Variants in AGAP1 observed in about 807,000 individuals in gnomAD.
AGAP1 encodes ArfGAP with GTPase domain, ankyrin repeat and PH domain 1.
Under a neutral mutation model 105.3 loss-of-function variants are expected in AGAP1, and 29 were observed. The observed-to-expected ratio is 0.28, with a 90% confidence interval of 0.21 to 0.38. AGAP1 has a LOEUF of 0.38. Among genes scored for constraint, AGAP1 ranks in the 10% least tolerant of loss-of-function variants. The pLI is 1.00. For missense variants in AGAP1, 998 were observed against 1,165.1 expected (o/e 0.86, Z 2.09); for synonymous variants, 509 against 485.9 (o/e 1.05, Z -0.63).
At chr2:235,527,776 A>G (rs1052037490) in intron 1 of AGAP1, among the ~76,000 whole-genome samples, 1 of 152,186 alleles carries the variant, frequency 6.6e-6, no homozygotes, top group African/African-American at 2.4e-5. Flanking sequence ...TAGCATTTCA[A>G]GGTGCAGTGT....
At chr2:235,771,826 GT>G (rs1221691875) in intron 6 of AGAP1, among the ~76,000 whole-genome samples, 1 of 151,984 alleles carries the variant, frequency 6.6e-6, no homozygotes, top group Admixed American at 6.6e-5. Context: ...TCAGTATGTC[GT>G]TTTAACCTTA....
chr2:235,890,571 C>T (rs1016767084), intron 10 of AGAP1, among the ~76,000 whole-genome samples: 6 of 152,170 alleles, frequency 3.9e-5, no homozygotes, highest in Non-Finnish European at 5.9e-5. Context: ...TGTTCAGCCA[C>T]CAGTTGACAG....
intron 1 of AGAP1, among the ~76,000 whole-genome samples, chr2:235,629,978 A>G (rs1478757604): frequency 1.3e-5 from 2 of 152,164 alleles, no homozygotes; most frequent in African/African-American, 2.4e-5. Flanking sequence ...TAATTAAAGT[A>G]TCATCTTCAA....
At position 236,113,928 on chromosome 2, in the gene AGAP1, C is replaced by T. The variant is rs575827679; in HGVS notation, c.2115-6264C>T. Reference sequence around the variant, plus strand: ...GAGAAGCAAATATAAAATACGATGGCGCCTGAAATGTACCTTTTCTTTTTA... The same window carrying T: ...GAGAAGCAAATATAAAATACGATGGTGCCTGAAATGTACCTTTTCTTTTTA... On this transcript the variant is annotated intron_variant, in intron 16 of 17. Coordinates refer to ENST00000304032, the MANE Select transcript of AGAP1 (RefSeq NM_001037131.3). This position sits in a 1 kb window ranked among gnomAD's most constrained non-coding sequence, Gnocchi z 4.3. Among the ~76,000 whole-genome samples the T allele has an allele frequency of 1.3e-5, 2 of 152,096 alleles. No individual in the cohort carries two copies. Among genetic ancestry groups the T allele is most frequent in the South Asian group, 2.1e-4 (1 of 4,824 alleles).
chr2:235,938,125 C>T (rs1175228557), intron 12 of AGAP1, among the ~76,000 whole-genome samples: 1 of 152,250 alleles, frequency 6.6e-6, no homozygotes, highest in Admixed American at 6.5e-5. Flanking sequence ...GTCCTGCTGC[C>T]ACCAGCGTAG....
rs376052809 is a variant in AGAP1 at position 236,083,140 on chromosome 2, C to T, written c.2114+33859C>T. Among the ~76,000 whole-genome samples the T allele has an allele frequency of 5.8e-4, 87 of 151,104 alleles. No individual in the cohort carries two copies. The highest frequency in any genetic ancestry group is 1.9e-3 in the African/African-American group (79 of 41,214). ...ATTGCACTCCAGCCTAGGCAACGAG[C>T]GAAATTCCATCTCAAAAAAAAAGAA... On this transcript the variant is annotated intron_variant, in intron 16 of 17. Coordinates refer to ENST00000304032, the MANE Select transcript of AGAP1 (RefSeq NM_001037131.3). The surrounding 1 kb of genome is among the most constrained non-coding windows in gnomAD (Gnocchi z 5.3).
At chr2:235,568,803 T>G (rs1401766518) in intron 1 of AGAP1, among the ~76,000 whole-genome samples, 3 of 152,202 alleles carry the variant, frequency 2.0e-5, no homozygotes, top group Non-Finnish European at 4.4e-5. Context: ...AGAAGCCACC[T>G]GCAGTCCTTG....
chr2:235,929,194 T>C (rs574787085), intron 11 of AGAP1, among the ~76,000 whole-genome samples: 11 of 152,148 alleles, frequency 7.2e-5, no homozygotes, highest in Non-Finnish European at 1.5e-4. Flanking sequence ...TTGATTGTGA[T>C]TTTTTGTTTT....
At chr2:235,944,228 G>C (rs1179248313) in intron 12 of AGAP1, among the ~76,000 whole-genome samples, 1 of 152,030 alleles carries the variant, frequency 6.6e-6, no homozygotes, top group African/African-American at 2.4e-5. Flanking sequence ...AGAATGGGGG[G>C]CTTCAAATTA....
At position 235,751,897 on chromosome 2, in the gene AGAP1, C is replaced by T. The variant is rs1251335363; in HGVS notation, c.673+1409C>T. Among the ~76,000 whole-genome samples, 4 of 152,190 alleles carry T rather than the reference C, an allele frequency of 2.6e-5. No individual in the cohort carries two copies. Among genetic ancestry groups the T allele is most frequent in the South Asian group, 2.1e-4 (1 of 4,824 alleles). The stretch of plus-strand genomic sequence containing the variant: ...CACAGCCCCTTCTTCCCTCCACTAA[C>T]GTATATCTCGGGCACCTCCTGCTGC... On this transcript the variant is annotated intron_variant, in intron 6 of 17. Transcript: ENST00000304032. This position sits in a 1 kb window ranked among gnomAD's most constrained non-coding sequence, Gnocchi z 5.3.
chr2:235,704,969 C>CTTTTTTTTTTTTTTTTTTTTTT (rs969370505), intron 1 of AGAP1, among the ~76,000 whole-genome samples: 1 of 59,696 alleles, frequency 1.7e-5, no homozygotes, highest in Non-Finnish European at 3.0e-5. Flanking sequence ...ATGCTTTTTT[C>CTTTTTTTTTTTTTTTTTTTTTT]TTTTTTTTTT....
intron 11 of AGAP1, among the ~76,000 whole-genome samples, chr2:235,915,952 A>T (rs1318260792): frequency 6.6e-6 from 1 of 152,172 alleles, no homozygotes; most frequent in East Asian, 1.9e-4. Context: ...AAAGAAGAGA[A>T]ATCTGACTGT....
intron 6 of AGAP1, among the ~76,000 whole-genome samples, chr2:235,783,635 G>T (rs1201633816): frequency 6.6e-6 from 1 of 152,108 alleles, no homozygotes; most frequent in Non-Finnish European, 1.5e-5. Flanking sequence ...GCACAGAAAA[G>T]AATGATTCCA....
In AGAP1 at chr2:235,744,968, AATT is replaced by A; in HGVS notation, c.538+132_538+134del. 9.0e-7 allele frequency: 1 copy of A among 1,109,380 alleles called. No homozygotes were observed. The highest frequency in any genetic ancestry group is 1.3e-6 in the Non-Finnish European group (1 of 795,424). The allele number at this position is 1,109,380 out of a possible 1,614,324, so 68.7% of individuals were successfully genotyped here. A position where few individuals can be genotyped will look rare whatever the true frequency, so the allele number is the denominator to read the frequency against. ...ACTGAACGCTCACTTTTTTGGGAAAAATTATGGAACTGAAATGATCACATTTCC... is the reference window on the plus strand; with the variant it reads ...ACTGAACGCTCACTTTTTTGGGAAAAATGGAACTGAAATGATCACATTTCC... On this transcript the variant is annotated intron_variant, in intron 5 of 17. Transcript: ENST00000304032. This position sits in a 1 kb window ranked among gnomAD's most constrained non-coding sequence, Gnocchi z 5.2.
At chr2:235,684,872 T>G (rs1949295830) in intron 1 of AGAP1, among the ~76,000 whole-genome samples, 1 of 152,160 alleles carries the variant, frequency 6.6e-6, no homozygotes, top group Non-Finnish European at 1.5e-5. Flanking sequence ...CCAGGGCCTA[T>G]TTTGGATCAT....
intron 1 of AGAP1, among the ~76,000 whole-genome samples, chr2:235,525,864 G>T (rs1942815054): frequency 9.1e-6 from 1 of 109,680 alleles, no homozygotes; most frequent in African/African-American, 3.8e-5. Context: ...GATGCATAAT[G>T]TGGAGGACTG....
In AGAP1 at chr2:235,872,836, C is replaced by T. The variant is rs1260626581; in HGVS notation, c.1051-10509C>T. On this transcript the variant is annotated intron_variant, in intron 9 of 17. Transcript: ENST00000304032. The surrounding 1 kb of genome is among the most constrained non-coding windows in gnomAD (Gnocchi z 4.5). ...TGCTGAGTGTGTTCAGAGGGGCGTCCCATGGTCGAACTGGAACTTGCTTTG... is the reference window on the plus strand; with the variant it reads ...TGCTGAGTGTGTTCAGAGGGGCGTCTCATGGTCGAACTGGAACTTGCTTTG... 1.3e-5 allele frequency among the ~76,000 whole-genome samples: 2 copies of T among 152,160 alleles called. No individual in the cohort carries two copies. The highest frequency in any genetic ancestry group is 3.9e-4 in the East Asian group (2 of 5,186).
At chr2:235,910,855 C>A (rs1369914283) in intron 11 of AGAP1, among the ~76,000 whole-genome samples, 1 of 151,512 alleles carries the variant, frequency 6.6e-6, no homozygotes, top group Non-Finnish European at 1.5e-5. Flanking sequence ...AGGTGGAGTG[C>A]AGTGAGCCGA....
At chr2:235,923,756 G>A (rs184099802) in intron 11 of AGAP1, among the ~76,000 whole-genome samples, 15 of 152,310 alleles carry the variant, frequency 9.8e-5, no homozygotes, top group African/African-American at 3.4e-4. Context: ...CATTCCCAGC[G>A]TGGGGCTGTT....
Sources: allele counts gnomAD v4.1 joint callset (sites outside exome capture counted in the v4.1 genomes callset), GRCh38; gene constraint gnomAD v4.1.1; non-coding constraint Gnocchi (gnomAD v3.1); transcripts MANE v1.5; gene names NCBI Gene and HGNC (gene_info 2026-07-23, HGNC 2026-07-21).